SUSD5: variants seen among roughly 807,000 people sequenced by gnomAD.
The protein encoded by SUSD5 is sushi domain containing 5.
A neutral mutation model predicts 29.5 loss-of-function variants in SUSD5; 33 were observed. The ratio of observed to expected loss-of-function variants is 1.12; its 90% CI spans 0.85 to 1.49. SUSD5 has a LOEUF of 1.49. SUSD5 is among the 40% of genes most tolerant of loss of function. The pLI is 0.00. For missense variants in SUSD5, 776 were observed against 800.6 expected, an observed-to-expected ratio of 0.97 and a Z score of 0.37; for synonymous variants, 308 against 325.3, an observed-to-expected ratio of 0.95 and a Z score of 0.57.
chr3:33,169,057 G>A (rs1403030675), intron 4 of SUSD5, among the ~76,000 whole-genome samples: 2 of 141,528 alleles, frequency 1.4e-5, no homozygotes, highest in Non-Finnish European at 3.1e-5. Context: ...ATTGGTACTC[G>A]ACATTTCTAC....
At chr3:33,172,604 G>A (rs562104956) in intron 4 of SUSD5, among the ~76,000 whole-genome samples, 27 of 152,208 alleles carry the variant, frequency 1.8e-4, no homozygotes, top group Non-Finnish European at 3.2e-4. Flanking sequence ...AGTAGCTCCC[G>A]CCTGGCACAA....
rs1448447165 is a variant in SUSD5 at position 33,151,162 on chromosome 3, G to C, written c.*1580C>G. ...TAAACCAACAGGCTCTCAAACTTGA[G>C]TGCATATCAAAATCACCTGGAGGGC... On this transcript the variant is annotated 3_prime_UTR_variant, in exon 5 of 5. Transcript: ENST00000309558. 1 of 152,174 alleles carries C rather than the reference G, an allele frequency of 6.6e-6. No individual in the cohort carries two copies. Among genetic ancestry groups the C allele is most frequent in the East Asian group, 1.9e-4 (1 of 5,194 alleles). The allele number at this position is 152,174 out of a possible 1,614,324, so 9.4% of individuals were successfully genotyped here. A position where few individuals can be genotyped will look rare whatever the true frequency, so the allele number is the denominator to read the frequency against.
At chr3:33,193,782 C>A (rs1165097455) in intron 3 of SUSD5, among the ~76,000 whole-genome samples, 1 of 152,176 alleles carries the variant, frequency 6.6e-6, no homozygotes, top group Non-Finnish European at 1.5e-5. Flanking sequence ...AACCTACAAA[C>A]TGCCCTCGTT....
rs116278925 is a variant in SUSD5, at chr3:33,212,911, T to C, written c.290+1017A>G. 4.5e-3 allele frequency among the ~76,000 whole-genome samples: 690 copies of C among 152,266 alleles called. 2 individuals are homozygous for C. Among genetic ancestry groups the C allele is most frequent in the South Asian group, 0.019 (91 of 4,824 alleles). ...AGTGGTGTGAAAAAATTTGTGGCCATATTTTAAAACCTCCATACCACGTTC... is the reference window on the plus strand; with the variant it reads ...AGTGGTGTGAAAAAATTTGTGGCCACATTTTAAAACCTCCATACCACGTTC... On this transcript the variant is annotated intron_variant, in intron 2 of 4. Transcript: ENST00000309558.
intron 4 of SUSD5, chr3:33,168,712 T>A: frequency 2.5e-6 from 1 of 398,206 alleles, no homozygotes; most frequent in South Asian, 1.0e-4. Flanking sequence ...TGCAGTGGGG[T>A]GATCTTGGCT....
intron 3 of SUSD5, among the ~76,000 whole-genome samples, chr3:33,197,984 T>C (rs182061875): frequency 7.9e-5 from 12 of 152,290 alleles, no homozygotes; most frequent in Middle Eastern, 3.4e-3. Flanking sequence ...TACCCAGGCA[T>C]GGAATTACTT....
intron 4 of SUSD5, among the ~76,000 whole-genome samples, chr3:33,171,755 A>C (rs551301628): frequency 1.3e-5 from 2 of 152,292 alleles, no homozygotes; most frequent in East Asian, 3.9e-4. Context: ...CCTCCTTCAC[A>C]CAGTGAAGCC....
intron 4 of SUSD5, among the ~76,000 whole-genome samples, chr3:33,160,870 C>T (rs1423482903): frequency 6.6e-6 from 1 of 152,086 alleles, no homozygotes; most frequent in African/African-American, 2.4e-5. Flanking sequence ...CATAAATTGC[C>T]TACAGCCATA....
chr3:33,177,433 C>A (rs535634728), intron 3 of SUSD5, among the ~76,000 whole-genome samples: 1 of 152,148 alleles, frequency 6.6e-6, no homozygotes, highest in Non-Finnish European at 1.5e-5. Flanking sequence ...AGATCTTGTA[C>A]GTAATTTGTT....
intron 3 of SUSD5, among the ~76,000 whole-genome samples, chr3:33,189,165 C>T (rs546520653): frequency 6.6e-6 from 1 of 152,262 alleles, no homozygotes; most frequent in East Asian, 1.9e-4. Flanking sequence ...TGAGTTTCTC[C>T]TCCTAAAAAC....
At position 33,167,840 on chromosome 3, in the gene SUSD5, C is replaced by A. The variant is rs1340742680; in HGVS notation, c.598+7046G>T. On this transcript the variant is annotated intron_variant, in intron 4 of 4. Transcript: ENST00000309558. The surrounding 1 kb of genome is among the most constrained non-coding windows in gnomAD (Gnocchi z 4.1). Reference sequence around the variant, plus strand: ...GTATCTCTCACCTCCCCTCTGCTTTCCTGAGTCTGCACTCTGACTCAGATC... The same window carrying A: ...GTATCTCTCACCTCCCCTCTGCTTTACTGAGTCTGCACTCTGACTCAGATC... Among the ~76,000 whole-genome samples, 1 of 152,178 alleles carries A rather than the reference C, an allele frequency of 6.6e-6. No homozygotes were observed. Among genetic ancestry groups the A allele is most frequent in the East Asian group, 1.9e-4 (1 of 5,194 alleles).
rs548502557 is a variant in SUSD5 at position 33,167,850 on chromosome 3, C to T, written c.598+7036G>A. 2.6e-5 allele frequency among the ~76,000 whole-genome samples: 4 copies of T among 152,304 alleles called. No homozygotes were observed. Among genetic ancestry groups the T allele is most frequent in the Non-Finnish European group, 4.4e-5 (3 of 68,030 alleles). ...CCTCCCCTCTGCTTTCCTGAGTCTGCACTCTGACTCAGATCATTCAGCCAT... is the reference window on the plus strand; with the variant it reads ...CCTCCCCTCTGCTTTCCTGAGTCTGTACTCTGACTCAGATCATTCAGCCAT... On this transcript the variant is annotated intron_variant, in intron 4 of 4. Coordinates refer to ENST00000309558, the MANE Select transcript of SUSD5 (RefSeq NM_015551.2). The surrounding 1 kb of genome is among the most constrained non-coding windows in gnomAD (Gnocchi z 4.1).
At position 33,153,516 on chromosome 3, in the gene SUSD5, A is replaced by G. The variant is rs1157245941; in HGVS notation, c.1116T>C (p.Asp372=). ...AAGCCCCCTCTGTCACAGGGTAGCC[A>G]TCTAACCAGGACTCATCACTGCTGC... ...VVSSSDESWL[D]GYPVTEGAWR... Residue 372 remains aspartate (D), a synonymous_variant, in exon 5 of 5, where the codon GAT becomes GAC. Transcript: ENST00000309558. The G allele has an allele frequency of 5.6e-6, 9 of 1,613,974 alleles. No individual in the cohort carries two copies. Among genetic ancestry groups the G allele is most frequent in the Non-Finnish European group, 7.6e-6 (9 of 1,179,964 alleles).
chr3:33,192,827 T>TAA (rs1200052193), intron 3 of SUSD5, among the ~76,000 whole-genome samples: 1 of 151,532 alleles, frequency 6.6e-6, no homozygotes, highest in Non-Finnish European at 1.5e-5. Context: ...AAAATATATA[T>TAA]ATATAATCTA....
chr3:33,179,691 C>T (rs2031629966), intron 3 of SUSD5, among the ~76,000 whole-genome samples: 1 of 152,188 alleles, frequency 6.6e-6, no homozygotes, highest in South Asian at 2.1e-4. Context: ...TAATTTGCAT[C>T]TTCTCTCATA....
At chr3:33,172,552 T>C (rs2031458723) in intron 4 of SUSD5, among the ~76,000 whole-genome samples, 1 of 151,994 alleles carries the variant, frequency 6.6e-6, no homozygotes, top group Non-Finnish European at 1.5e-5. Context: ...GCTTGGTGCT[T>C]ATGCTTGATT....
intron 1 of SUSD5, among the ~76,000 whole-genome samples, chr3:33,216,534 G>A (rs1031144767): frequency 1.3e-5 from 2 of 152,182 alleles, no homozygotes; most frequent in African/African-American, 4.8e-5. Flanking sequence ...AGGCTAATAT[G>A]TTTCATAAAC....
chr3:33,214,101 C>A lies in SUSD5; in HGVS notation c.117G>T (p.Lys39Asn), dbSNP rs758091707. ...CATTCTGAGACTCCAGCACAAAGAACTTTCCTGTGTGGGAACAAGAACAAA... is the reference window on the plus strand; with the variant it reads ...CATTCTGAGACTCCAGCACAAAGAAATTTCCTGTGTGGGAACAAGAACAAA... ...LPRLSVRADGKFFVLESQNGS... is the reference protein window; with the variant it reads ...LPRLSVRADGNFFVLESQNGS... Residue 39 changes from lysine to asparagine, a missense_variant, in exon 2 of 5, where the codon AAG becomes AAT. By Grantham distance (94) the Lys-to-Asn change is moderately conservative. Transcript: ENST00000309558. The A allele has an allele frequency of 6.3e-7, 1 of 1,596,356 alleles. No homozygotes were observed. Among genetic ancestry groups the A allele is most frequent in the South Asian group, 1.1e-5 (1 of 88,376 alleles).
At chr3:33,215,292 T>C (rs541238126) in intron 1 of SUSD5, among the ~76,000 whole-genome samples, 3 of 152,146 alleles carry the variant, frequency 2.0e-5, no homozygotes, top group East Asian at 3.9e-4. Flanking sequence ...TAAGAACCTA[T>C]GTGCACTACT....
Sources: allele counts gnomAD v4.1 joint callset (sites outside exome capture counted in the v4.1 genomes callset), GRCh38; gene constraint gnomAD v4.1.1; non-coding constraint Gnocchi (gnomAD v3.1); transcripts MANE v1.5; gene names NCBI Gene and HGNC (gene_info 2026-07-23, HGNC 2026-07-21).